The following TAPT1 variants were observed in gnomAD, a reference collection of about 807,000 sequenced individuals.
TAPT1 encodes transmembrane anterior posterior transformation 1, also known as transmembrane anterior posterior transformation protein 1 homolog.
A neutral mutation model predicts 65.6 loss-of-function variants in TAPT1; 28 were observed. The ratio of observed to expected loss-of-function variants is 0.43; its 90% confidence interval spans 0.32 to 0.59. The LOEUF (loss-of-function observed/expected upper bound fraction) is 0.59. Ranked by LOEUF, TAPT1 falls within the 20% of genes least tolerant of loss-of-function variation. The pLI is 0.09. For synonymous variants in TAPT1, 278 were observed against 245.2 expected (o/e 1.13, Z -1.25); for missense variants, 563 against 679.9 (o/e 0.83, Z 1.91).
rs757324466 is a variant in TAPT1, at chr4:16,179,788, TTA to T, written c.917-133_917-132del. ...TATAAATGTCTATAAATATACAACTTTATATATATATATATGTGTGTGTGTGT... is the reference window on the plus strand; with the variant it reads ...TATAAATGTCTATAAATATACAACTTTATATATATATATGTGTGTGTGTGT... On this transcript the variant is annotated intron_variant, in intron 7 of 13. Coordinates refer to ENST00000405303, the MANE Select transcript of TAPT1 (RefSeq NM_153365.3). The T allele has an allele frequency of 4.6e-3, 1,977 of 427,780 alleles. 11 individuals are homozygous for T. Among genetic ancestry groups the T allele is most frequent in the African/African-American group, 0.021 (934 of 43,628 alleles). 26.5% of individuals were successfully genotyped at this position (427,780 alleles called of 1,614,324 possible).
chr4:16,188,366 A>C lies in TAPT1; in HGVS notation c.613-11T>G. On this transcript the variant is annotated splice_polypyrimidine_tract_variant and intron_variant, in intron 4 of 13. Coordinates refer to ENST00000405303, the MANE Select transcript of TAPT1 (RefSeq NM_153365.3). ...CAGACGATCAGCTACCTAAAAAAAA[A>C]AATTATTTGTAAGATGTTTCTTAAT... 6.4e-7 allele frequency: 1 copy of C among 1,550,770 alleles called. No homozygotes were observed. The highest frequency in any genetic ancestry group is 2.3e-5 in the East Asian group (1 of 43,714).
chr4:16,199,833 T>A (rs1749928253), intron 3 of TAPT1, among the ~76,000 whole-genome samples: 1 of 152,052 alleles, frequency 6.6e-6, no homozygotes, highest in African/African-American at 2.4e-5. Flanking sequence ...CAAGCTACCC[T>A]CCCACCTTGG....
intron 1 of TAPT1, among the ~76,000 whole-genome samples, chr4:16,224,401 A>G (rs1193265360): frequency 6.6e-6 from 1 of 152,196 alleles, no homozygotes; most frequent in Non-Finnish European, 1.5e-5. Flanking sequence ...CAGTGGCAGG[A>G]GCTATGTGAC....
At chr4:16,189,634 G>A (rs1414259003) in intron 4 of TAPT1, among the ~76,000 whole-genome samples, 1 of 152,206 alleles carries the variant, frequency 6.6e-6, no homozygotes, top group African/African-American at 2.4e-5. Flanking sequence ...AGGTAATAAA[G>A]GAAGGACTAG....
chr4:16,213,657 T>C, intron 2 of TAPT1, 111 bp downstream of exon 2: 4 of 971,962 alleles, frequency 4.1e-6, no homozygotes, highest in South Asian at 2.1e-5. Context: ...CCCAATAACA[T>C]TATTTCAATT....
At chr4:16,220,703 C>T (rs937038193) in intron 1 of TAPT1, among the ~76,000 whole-genome samples, 14 of 150,484 alleles carry the variant, frequency 9.3e-5, no homozygotes, top group Non-Finnish European at 1.6e-4. Context: ...GAGCCAAGAT[C>T]GCACCACTGT....
rs1248826870 is a variant in TAPT1 at position 16,188,436 on chromosome 4, C to G, written c.613-81G>C. On this transcript the variant is annotated intron_variant, in intron 4 of 13. Coordinates refer to ENST00000405303, the MANE Select transcript of TAPT1 (RefSeq NM_153365.3). ...CTAAAATTGAGATATAGCTCAAATC[C>G]TGGAGATCTGTGTTTTAAATCCTAG... 2.6e-6 allele frequency: 3 copies of G among 1,154,986 alleles called. No homozygotes were observed. In the African/African-American group the frequency reaches 4.7e-5, roughly 18 times the overall value. 71.5% of individuals were successfully genotyped at this position (1,154,986 alleles called of 1,614,324 possible).
At chr4:16,171,185 CT>C (rs1452008484) in intron 11 of TAPT1, among the ~76,000 whole-genome samples, 5 of 152,122 alleles carry the variant, frequency 3.3e-5, no homozygotes, top group African/African-American at 4.8e-5. Context: ...GCCCTCCGTC[CT>C]TTCTTCTTTG....
intron 3 of TAPT1, among the ~76,000 whole-genome samples, chr4:16,197,111 A>G (rs936456594): frequency 2.0e-5 from 3 of 152,210 alleles, no homozygotes; most frequent in African/African-American, 7.2e-5. Context: ...ACTCTCAAGC[A>G]TCTGAAATTC....
chr4:16,188,227 G>C lies in TAPT1; in HGVS notation c.741C>G (p.Leu247=), dbSNP rs368157416. ...GTAGGTCTATAAGGATACAGACATA[G>C]AGAACAGCCATGAAAAAGTGAGGAA... The part of the protein sequence containing the change: ...GVIPHFFMAV[L]YVFLHAILIM... The change falls in exon 5 of 14, where the codon CTC becomes CTG. Residue 247 remains leucine (L), a synonymous_variant. Coordinates refer to ENST00000405303, the MANE Select transcript of TAPT1 (RefSeq NM_153365.3). 193 of 1,606,188 alleles carry C rather than the reference G, an allele frequency of 1.2e-4. No individual in the cohort carries two copies. Among genetic ancestry groups the C allele is most frequent in the Non-Finnish European group, 1.6e-4 (183 of 1,177,610 alleles).
At chr4:16,182,056 T>A (rs1390735855) in intron 7 of TAPT1, among the ~76,000 whole-genome samples, 3 of 152,172 alleles carry the variant, frequency 2.0e-5, no homozygotes, top group Admixed American at 6.5e-5. Context: ...CAAAACTATA[T>A]CTAACTATAA....
At chr4:16,195,832 A>G (rs938994977) in intron 3 of TAPT1, among the ~76,000 whole-genome samples, 1 of 152,244 alleles carries the variant, frequency 6.6e-6, no homozygotes, top group African/African-American at 2.4e-5. Flanking sequence ...CTATGATTAA[A>G]GTAACATCTA....
At chr4:16,205,863 A>T (rs894167450) in intron 2 of TAPT1, among the ~76,000 whole-genome samples, 2 of 152,312 alleles carry the variant, frequency 1.3e-5, no homozygotes, top group East Asian at 1.9e-4. Flanking sequence ...TTAGGTTCCA[A>T]GGTATCCTTG....
At chr4:16,170,584 C>T (rs903526998) in intron 12 of TAPT1, 69 bp downstream of exon 12, 24 of 1,165,342 alleles carry the variant, frequency 2.1e-5, no homozygotes, top group African/African-American at 3.0e-5. Flanking sequence ...TGGGATGCTA[C>T]TAACTTCCAT....
At chr4:16,175,360 A>G (rs1409093526) in intron 9 of TAPT1, among the ~76,000 whole-genome samples, 1 of 152,142 alleles carries the variant, frequency 6.6e-6, no homozygotes, top group Non-Finnish European at 1.5e-5. Context: ...ACAAAACTGT[A>G]TTTACTTTAA....
intron 1 of TAPT1, among the ~76,000 whole-genome samples, chr4:16,214,212 A>G (rs1750800629): frequency 1.3e-5 from 2 of 152,226 alleles, no homozygotes; most frequent in African/African-American, 4.8e-5. Context: ...ACTGACAGAC[A>G]TGGAAGGAAA....
chr4:16,207,860 T>C (rs927988445), intron 2 of TAPT1, among the ~76,000 whole-genome samples: 5 of 152,264 alleles, frequency 3.3e-5, no homozygotes, highest in African/African-American at 7.2e-5. Context: ...ATTTAAGCAG[T>C]TGAATTTAAT....
chr4:16,163,396 T>C lies in TAPT1; in HGVS notation c.1616A>G (p.Gln539Arg). ...TPDGDEKDIT[Q>R]DNSELKHRSS... ...TCTGTGTTTTAATTCAGAATTGTCC[T>C]GCGTTATGTCCTTCTCGTCACCATC... The change falls in exon 14 of 14, where the codon CAG becomes CGG. Residue 539 changes from glutamine to arginine, a missense_variant. Coordinates refer to ENST00000405303, the MANE Select transcript of TAPT1 (RefSeq NM_153365.3). 1.2e-6 allele frequency: 2 copies of C among 1,614,014 alleles called. No homozygotes were observed. The highest frequency in any genetic ancestry group is 1.3e-5 in the African/African-American group (1 of 75,062).
chr4:16,217,602 T>C (rs1751015773), intron 1 of TAPT1, among the ~76,000 whole-genome samples: 4 of 152,264 alleles, frequency 2.6e-5, no homozygotes, highest in Admixed American at 2.6e-4. Context: ...TGAATTTCTC[T>C]ATTGAAAGAT....
Sources: allele counts gnomAD v4.1 joint callset (sites outside exome capture counted in the v4.1 genomes callset), GRCh38; gene constraint gnomAD v4.1.1; transcripts MANE v1.5; gene names NCBI Gene and HGNC (gene_info 2026-07-23, HGNC 2026-07-21).